Variants in NAV3 observed in about 807,000 individuals in gnomAD.
NAV3 encodes pore membrane and/or filament interacting like protein 1.
Under a neutral mutation model 244.7 loss-of-function variants are expected in NAV3, and 87 were observed. That is an observed-to-expected ratio of 0.36 (90% CI 0.30 to 0.42). The LOEUF is 0.42. Among genes scored for constraint, NAV3 ranks in the 20% least tolerant of loss-of-function variants. The pLI, the probability that NAV3 is intolerant of heterozygous loss-of-function variation, is 1.00. For synonymous variants in NAV3, 1,126 were observed against 1,042.2 expected (o/e 1.08, Z -1.55); for missense variants, 2,663 against 2,893.3 (o/e 0.92, Z 1.83).
intron 2 of NAV3, among the ~76,000 whole-genome samples, chr12:77,723,208 A>G (rs947991396): frequency 6.6e-6 from 1 of 151,982 alleles, no homozygotes; most frequent in Non-Finnish European, 1.5e-5. Context: ...TATACCAAAC[A>G]TTTCCTCAGT....
intron 2 of NAV3, among the ~76,000 whole-genome samples, chr12:77,796,493 A>G (rs1871413206): frequency 6.6e-6 from 1 of 152,242 alleles, no homozygotes; most frequent in African/African-American, 2.4e-5. Flanking sequence ...TCTTGAAATG[A>G]CAACAAAGGA....
intron 9 of NAV3, among the ~76,000 whole-genome samples, chr12:78,045,301 C>T (rs1254557542): frequency 2.0e-5 from 3 of 151,110 alleles, no homozygotes; most frequent in East Asian, 3.9e-4. Flanking sequence ...GGTGGATAAG[C>T]TTTTTTTTTG....
At chr12:77,846,835 T>C (rs1020522396) in intron 1 of NAV3, among the ~76,000 whole-genome samples, 5 of 152,170 alleles carry the variant, frequency 3.3e-5, no homozygotes, top group African/African-American at 1.2e-4. Flanking sequence ...GGTTCAAATA[T>C]ATACATTTGC....
At chr12:77,859,553 G>A (rs1244810432) in intron 1 of NAV3, among the ~76,000 whole-genome samples, 1 of 150,648 alleles carries the variant, frequency 6.6e-6, no homozygotes, top group East Asian at 2.0e-4. Context: ...CACCAGCATG[G>A]CACATGTATA....
At chr12:77,679,707 A>C (rs919126009) in intron 2 of NAV3, among the ~76,000 whole-genome samples, 1 of 152,194 alleles carries the variant, frequency 6.6e-6, no homozygotes, top group African/African-American at 2.4e-5. Context: ...AAAATTGAGA[A>C]ACAGCAGCCT....
At chr12:77,667,806 C>G (rs1437117383) in intron 2 of NAV3, among the ~76,000 whole-genome samples, 7 of 152,136 alleles carry the variant, frequency 4.6e-5, no homozygotes, top group South Asian at 2.1e-4. Context: ...AGCTGATGCA[C>G]TCTTGAAAGC....
At chr12:77,852,641 A>T (rs916330477) in intron 1 of NAV3, among the ~76,000 whole-genome samples, 20 of 152,336 alleles carry the variant, frequency 1.3e-4, no homozygotes, top group African/African-American at 4.1e-4. Flanking sequence ...GGCCTAGTAA[A>T]ATATTTTAAA....
chr12:78,113,864 A>G (rs990686295), intron 12 of NAV3, among the ~76,000 whole-genome samples: 7 of 152,156 alleles, frequency 4.6e-5, no homozygotes, highest in Non-Finnish European at 1.0e-4. Context: ...TAAAACTTTT[A>G]TGCTCTGCTT....
At chr12:77,626,252 A>AC (rs147630067) in intron 2 of NAV3, among the ~76,000 whole-genome samples, 3 of 117,948 alleles carry the variant, frequency 2.5e-5, no homozygotes, top group African/African-American at 1.4e-4. Flanking sequence ...GTCAGACCAG[A>AC]AAAAAAAAAG....
intron 11 of NAV3, among the ~76,000 whole-genome samples, chr12:78,058,080 G>A (rs1332745836): frequency 6.6e-6 from 1 of 152,180 alleles, no homozygotes; most frequent in Non-Finnish European, 1.5e-5. Context: ...TAGATTCTCT[G>A]TGTGTGCATG....
chr12:78,017,907 T>A (rs1876497974), intron 8 of NAV3, among the ~76,000 whole-genome samples: 2 of 152,198 alleles, frequency 1.3e-5, no homozygotes, highest in South Asian at 4.1e-4. Flanking sequence ...AGACTGGAGT[T>A]AAAATCTAAT....
intron 1 of NAV3, among the ~76,000 whole-genome samples, chr12:77,872,068 C>T (rs917722622): frequency 2.6e-5 from 4 of 152,056 alleles, no homozygotes; most frequent in Non-Finnish European, 4.4e-5. Context: ...ATATGTTCGT[C>T]GGCTGCACAA....
chr12:77,922,108 C>G (rs1237821841), intron 1 of NAV3, among the ~76,000 whole-genome samples: 1 of 152,128 alleles, frequency 6.6e-6, no homozygotes, highest in Non-Finnish European at 1.5e-5. Context: ...ATATGCGTAG[C>G]AGAAGCTACC....
intron 16 of NAV3, among the ~76,000 whole-genome samples, chr12:78,124,614 G>A (rs1383787991): frequency 6.6e-6 from 1 of 151,886 alleles, no homozygotes; most frequent in Non-Finnish European, 1.5e-5. Context: ...CCACCATGCT[G>A]GGCTAATTTT....
chr12:77,973,632 T>G (rs1893196683), intron 5 of NAV3, among the ~76,000 whole-genome samples: 1 of 152,200 alleles, frequency 6.6e-6, no homozygotes, highest in Non-Finnish European at 1.5e-5. Flanking sequence ...AGAGGACATT[T>G]GCCTTCCAGG....
intron 12 of NAV3, among the ~76,000 whole-genome samples, chr12:78,085,641 A>G (rs572895306): frequency 6.6e-6 from 1 of 152,280 alleles, no homozygotes; most frequent in African/African-American, 2.4e-5. Context: ...AGATGAATTC[A>G]GTAAGAAACA....
intron 35 of NAV3, among the ~76,000 whole-genome samples, chr12:78,198,333 TAA>T (rs1180826046): frequency 6.6e-6 from 1 of 151,890 alleles, no homozygotes; most frequent in Non-Finnish European, 1.5e-5. Context: ...TTATACTAAC[TAA>T]ACTCTTTACT....
rs571771175 is a variant in NAV3, at chr12:77,738,944, G to T, written c.72+166678G>T. Among the ~76,000 whole-genome samples, 7 of 149,356 alleles carry T rather than the reference G, an allele frequency of 4.7e-5. No homozygotes were observed. The East Asian group carries it at 1.4e-3, about 30-fold the overall frequency. On this transcript the variant is annotated intron_variant, in intron 2 of 8. Coordinates refer to the NAV3 transcript ENST00000550042. ...GGAGAATGGCGTGAACCTGGGAGGC[G>T]GAGCTTGCAGTGAGCCGAGATCGCG...
rs1202996900 is a variant in NAV3, at chr12:78,000,499, A to ATT, written c.880+2044_880+2045dup. 3.2e-3 allele frequency among the ~76,000 whole-genome samples: 334 copies of ATT among 103,296 alleles called. 3 individuals are homozygous for ATT. The highest frequency in any genetic ancestry group is 8.5e-3 in the African/African-American group (235 of 27,634). The allele number at this position is 103,296 out of a possible 152,430, so 67.8% of individuals were successfully genotyped here. On this transcript the variant is annotated intron_variant, in intron 7 of 39. Coordinates refer to ENST00000397909, the MANE Select transcript of NAV3 (RefSeq NM_001024383.2). ...GGTAATAATATATTACACTTAAAAC[A>ATT]TTTTTTTTTTTTTTTTTTTTTTGAG...
Sources: gnomAD v4.1 joint callset for allele counts (sites outside exome capture counted in the v4.1 genomes callset) on GRCh38, gnomAD v4.1.1 for gene constraint, MANE v1.5 for transcripts, NCBI Gene and HGNC (gene_info 2026-07-23, HGNC 2026-07-21) for gene names.